Variants in VPS13B observed in about 807,000 individuals in gnomAD.
The protein encoded by VPS13B is intermembrane lipid transfer protein VPS13B.
A neutral mutation model predicts 426.4 loss-of-function variants in VPS13B; 285 were observed. That is an observed-to-expected ratio of 0.67 (90% confidence interval 0.61 to 0.74). The LOEUF is 0.74. Ranked by LOEUF, VPS13B falls within the 30% of genes least tolerant of loss-of-function variation. The probability of loss-of-function intolerance (pLI) is 0.00; values close to 1 mark genes in which losing one functional copy is unlikely to be tolerated. For synonymous variants in VPS13B, 1,676 were observed against 1,676.4 expected, an observed-to-expected ratio of 1.00 and a Z score of 0.01; for missense variants, 4,537 against 4,782.6, an observed-to-expected ratio of 0.95 and a Z score of 1.51.
In VPS13B at chr8:99,275,739, C is replaced by T. The variant is rs145973288; in HGVS notation, c.2824+485C>T. ...TTTCTGGTAGCACTTTGAATAGAATCGATTTCATTTTATTCAACACTGTAA... is the reference window on the plus strand; with the variant it reads ...TTTCTGGTAGCACTTTGAATAGAATTGATTTCATTTTATTCAACACTGTAA... On this transcript the variant is annotated intron_variant, in intron 19 of 61. Transcript: ENST00000357162. 8.2e-4 allele frequency among the ~76,000 whole-genome samples: 125 copies of T among 152,084 alleles called. No individual in the cohort carries two copies. The Middle Eastern group carries it at 0.017, about 21-fold the overall frequency.
intron 39 of VPS13B, among the ~76,000 whole-genome samples, chr8:99,743,147 T>G (rs1304560564): frequency 6.6e-6 from 1 of 152,182 alleles, no homozygotes; most frequent in Non-Finnish European, 1.5e-5. Context: ...ACAAAATCAC[T>G]GTGCAAAAAT....
At chr8:99,372,896 A>G (rs902153443) in intron 19 of VPS13B, among the ~76,000 whole-genome samples, 1 of 152,240 alleles carries the variant, frequency 6.6e-6, no homozygotes, top group African/African-American at 2.4e-5. Flanking sequence ...TTACAATAGG[A>G]AAGACTTGTA....
intron 21 of VPS13B, among the ~76,000 whole-genome samples, chr8:99,419,040 T>C (rs1409461547): frequency 1.3e-5 from 2 of 152,248 alleles, no homozygotes; most frequent in Non-Finnish European, 2.9e-5. Flanking sequence ...TCTGGCTATG[T>C]GTCTTCACCC....
At chr8:99,115,153 A>G (rs1847590119) in intron 6 of VPS13B, among the ~76,000 whole-genome samples, 1 of 152,090 alleles carries the variant, frequency 6.6e-6, no homozygotes, top group South Asian at 2.1e-4. Context: ...GTTTTTCCAT[A>G]TTTGACAAAA....
intron 2 of VPS13B, among the ~76,000 whole-genome samples, chr8:99,029,509 C>T (rs1400888138): frequency 1.3e-5 from 2 of 152,190 alleles, no homozygotes; most frequent in Admixed American, 6.5e-5. Context: ...AACGAGACTC[C>T]GTCTGCAATC....
chr8:99,328,480 A>G (rs1810394398), intron 19 of VPS13B, among the ~76,000 whole-genome samples: 1 of 152,202 alleles, frequency 6.6e-6, no homozygotes, highest in African/African-American at 2.4e-5. Context: ...GGAAGCAAGG[A>G]CAAATGGCAA....
At chr8:99,258,325 G>A (rs368647385) in intron 17 of VPS13B, among the ~76,000 whole-genome samples, 4 of 149,442 alleles carry the variant, frequency 2.7e-5, no homozygotes, top group Non-Finnish European at 5.9e-5. Context: ...TTAAGTTTAT[G>A]TATGTGGATA....
At chr8:99,071,786 C>T (rs1448018070) in intron 3 of VPS13B, among the ~76,000 whole-genome samples, 1 of 152,194 alleles carries the variant, frequency 6.6e-6, no homozygotes, top group Non-Finnish European at 1.5e-5. Context: ...ACCCAAGCCA[C>T]AAGACAAAGT....
intron 35 of VPS13B, among the ~76,000 whole-genome samples, chr8:99,676,243 C>T (rs1440248228): frequency 2.0e-5 from 3 of 152,122 alleles, no homozygotes; most frequent in African/African-American, 4.8e-5. Context: ...GATGGAATCC[C>T]GTGGCCACCA....
At chr8:99,569,911 G>T (rs1291387984) in intron 31 of VPS13B, among the ~76,000 whole-genome samples, 1 of 152,030 alleles carries the variant, frequency 6.6e-6, no homozygotes, top group Non-Finnish European at 1.5e-5. Context: ...TTCATCGAGG[G>T]TTTAATAAAT....
chr8:99,601,773 T>C (rs1213061487), intron 33 of VPS13B, among the ~76,000 whole-genome samples: 1 of 152,268 alleles, frequency 6.6e-6, no homozygotes, highest in African/African-American at 2.4e-5. Flanking sequence ...TTTCTTCATA[T>C]GTTTGTTGGC....
At chr8:99,574,080 C>T (rs1208230207) in intron 31 of VPS13B, among the ~76,000 whole-genome samples, 2 of 152,098 alleles carry the variant, frequency 1.3e-5, no homozygotes, top group African/African-American at 4.8e-5. Context: ...TGGGAGTTCA[C>T]TCATGATTTG....
chr8:99,461,330 T>C (rs931740622), intron 23 of VPS13B, among the ~76,000 whole-genome samples: 1 of 152,142 alleles, frequency 6.6e-6, no homozygotes, highest in Non-Finnish European at 1.5e-5. Flanking sequence ...GTGCAATAAA[T>C]AGCACAAATG....
At chr8:99,599,447 A>G (rs1827181069) in intron 33 of VPS13B, among the ~76,000 whole-genome samples, 1 of 152,102 alleles carries the variant, frequency 6.6e-6, no homozygotes, top group South Asian at 2.1e-4. Context: ...GGAAAGTCCT[A>G]GGAAAATCGG....
intron 3 of VPS13B, among the ~76,000 whole-genome samples, chr8:99,086,278 T>C (rs1000345628): frequency 6.6e-6 from 1 of 152,202 alleles, no homozygotes; most frequent in African/African-American, 2.4e-5. Context: ...GCATTCATGA[T>C]GTAGTTCTTG....
chr8:99,478,461 T>TTTTTTTTTTTTTTTTTTTTTTTTTTG (rs1819848170), intron 24 of VPS13B, among the ~76,000 whole-genome samples: 1 of 122,922 alleles, frequency 8.1e-6, no homozygotes, highest in African/African-American at 3.2e-5. Context: ...TTTTTTTTTT[T>TTTTTTTTTTTTTTTTTTTTTTTTTTG]TTTTGTTTTT....
chr8:99,557,791 G>A (rs900395241), intron 31 of VPS13B, among the ~76,000 whole-genome samples: 3 of 152,086 alleles, frequency 2.0e-5, no homozygotes, highest in African/African-American at 4.8e-5. Context: ...ACCTTTCCCA[G>A]GCTACTTGTG....
intron 31 of VPS13B, among the ~76,000 whole-genome samples, chr8:99,563,209 G>T (rs972329590): frequency 6.6e-6 from 1 of 152,196 alleles, no homozygotes; most frequent in Admixed American, 6.5e-5. Flanking sequence ...TGAATGTCTA[G>T]TGTATGCCAT....
At chr8:99,626,151 A>T (rs918974734) in intron 33 of VPS13B, among the ~76,000 whole-genome samples, 3 of 152,258 alleles carry the variant, frequency 2.0e-5, no homozygotes, top group African/African-American at 7.2e-5. Context: ...TGTACATGTG[A>T]TAGCAACATT....
Sources: gnomAD v4.1 joint callset for allele counts (sites outside exome capture counted in the v4.1 genomes callset) on GRCh38, gnomAD v4.1.1 for gene constraint, MANE v1.5 for transcripts, NCBI Gene and HGNC (gene_info 2026-07-23, HGNC 2026-07-21) for gene names.